The following CTNNA2 variants were observed in gnomAD, a reference collection of about 807,000 sequenced individuals.
CTNNA2 encodes the protein catenin alpha-2.
Under a neutral mutation model 101.0 loss-of-function variants are expected in CTNNA2, and 42 were observed. The ratio of observed to expected loss-of-function variants is 0.42; its 90% confidence interval spans 0.32 to 0.54. The LOEUF (loss-of-function observed/expected upper bound fraction) is 0.54, where lower values mean the gene tolerates loss of function less well. Ranked by LOEUF, CTNNA2 falls within the 20% of genes least tolerant of loss-of-function variation. CTNNA2 has a pLI of 0.14. For synonymous variants in CTNNA2, 450 were observed against 456.4 expected, an observed-to-expected ratio of 0.99 and a Z score of 0.18; for missense variants, 871 against 1,223.1, an observed-to-expected ratio of 0.71 and a Z score of 4.29.
intron 18 of CTNNA2, among the ~76,000 whole-genome samples, chr2:80,622,299 T>C (rs3770367): frequency 0.062 from 9,414 of 151,802 alleles, 802 homozygotes; most frequent in African/African-American, 0.19. Flanking sequence ...GAGAAATACA[T>C]AACAGGCAGA....
intron 7 of CTNNA2, among the ~76,000 whole-genome samples, chr2:80,079,555 C>A (rs1291629475): frequency 6.6e-6 from 1 of 152,172 alleles, no homozygotes; most frequent in Non-Finnish European, 1.5e-5. Context: ...TGGCTCACGC[C>A]CGCAGTCCCA....
Position 80,093,275 on chromosome 2 carries a change from ATAG to A in CTNNA2, c.1056+183480_1056+183482del, listed in dbSNP as rs200110322. Among the ~76,000 whole-genome samples, 169 of 151,968 alleles carry A rather than the reference ATAG, an allele frequency of 1.1e-3. 3 individuals carry two copies. In the East Asian group the frequency reaches 0.028, roughly 25 times the overall value. On this transcript the variant is annotated intron_variant, in intron 7 of 18. Transcript: ENST00000402739. ...AGGTGTTTGGTTTTTTGTCCTTGCG[ATAG>A]TTTGCTGAGAATGATGGTTTCCAGC...
At chr2:79,427,620 A>G (rs1678606637) in intron 4 of CTNNA2, among the ~76,000 whole-genome samples, 1 of 132,806 alleles carries the variant, frequency 7.5e-6, no homozygotes, top group Non-Finnish European at 1.7e-5. Flanking sequence ...TTTCTTTAAT[A>G]TTAAAAAAAA....
intron 2 of CTNNA2, among the ~76,000 whole-genome samples, chr2:79,294,198 A>G (rs927305677): frequency 3.4e-5 from 5 of 147,626 alleles, no homozygotes; most frequent in Non-Finnish European, 7.4e-5. Flanking sequence ...AGAGAGAGAG[A>G]GAGAGAAGAA....
intron 7 of CTNNA2, among the ~76,000 whole-genome samples, chr2:80,126,925 G>A (rs1702166478): frequency 6.6e-6 from 1 of 152,158 alleles, no homozygotes; most frequent in Admixed American, 6.5e-5. Context: ...GGGAGGAGGA[G>A]GTGTAGGAAT....
At chr2:80,433,792 A>G (rs888110172) in intron 9 of CTNNA2, among the ~76,000 whole-genome samples, 2 of 152,160 alleles carry the variant, frequency 1.3e-5, no homozygotes, top group African/African-American at 4.8e-5. Context: ...CGGTTATTCT[A>G]TATGCTTGTA....
intron 7 of CTNNA2, among the ~76,000 whole-genome samples, chr2:79,944,626 A>G (rs754362170): frequency 6.6e-5 from 10 of 152,196 alleles, no homozygotes; most frequent in Non-Finnish European, 8.8e-5. Context: ...TCTAAGCTTG[A>G]AAGTGATTGC....
chr2:79,743,175 TA>T (rs35975188), intron 2 of CTNNA2, among the ~76,000 whole-genome samples: 12 of 147,382 alleles, frequency 8.1e-5, no homozygotes, highest in East Asian at 2.2e-4. Flanking sequence ...GTGAAGCCGA[TA>T]AAAAAAAAAT....
At chr2:79,612,699 A>G (rs1678361768) in intron 1 of CTNNA2, among the ~76,000 whole-genome samples, 1 of 152,158 alleles carries the variant, frequency 6.6e-6, no homozygotes, top group Non-Finnish European at 1.5e-5. Flanking sequence ...AAGCATTTGT[A>G]TGACTTGATT....
intron 7 of CTNNA2, among the ~76,000 whole-genome samples, chr2:80,196,601 T>A (rs2149007345): frequency 6.6e-6 from 1 of 152,322 alleles, no homozygotes; most frequent in African/African-American, 2.4e-5. Flanking sequence ...TCTGCTTTGA[T>A]TTCCCTTTTT....
intron 2 of CTNNA2, among the ~76,000 whole-genome samples, chr2:79,728,542 G>A (rs1341795126): frequency 6.6e-6 from 1 of 152,114 alleles, no homozygotes; most frequent in African/African-American, 2.4e-5. Flanking sequence ...TCACTCTGGT[G>A]GTAGTTTCTT....
At chr2:80,067,918 G>A (rs906680450) in intron 7 of CTNNA2, among the ~76,000 whole-genome samples, 2 of 152,110 alleles carry the variant, frequency 1.3e-5, no homozygotes, top group African/African-American at 4.8e-5. Flanking sequence ...GTCAAGCCTC[G>A]AGGTGACTTC....
chr2:80,182,611 G>C (rs1705851964), intron 7 of CTNNA2, among the ~76,000 whole-genome samples: 1 of 152,100 alleles, frequency 6.6e-6, no homozygotes, highest in Non-Finnish European at 1.5e-5. Context: ...ATCACAATAG[G>C]CTCAATGAAG....
chr2:80,271,286 G>A (rs1673448590), intron 7 of CTNNA2, among the ~76,000 whole-genome samples: 1 of 152,186 alleles, frequency 6.6e-6, no homozygotes, highest in African/African-American at 2.4e-5. Flanking sequence ...GTATGTATGT[G>A]TATGTTTACA....
intron 4 of CTNNA2, among the ~76,000 whole-genome samples, chr2:79,492,558 T>G (rs2104565739): frequency 6.6e-6 from 1 of 152,226 alleles, no homozygotes; most frequent in Non-Finnish European, 1.5e-5. Context: ...ATTTATAATC[T>G]AAGTTTAAAA....
chr2:80,132,912 A>T (rs1222461584), intron 7 of CTNNA2, among the ~76,000 whole-genome samples: 1 of 152,188 alleles, frequency 6.6e-6, no homozygotes, highest in Non-Finnish European at 1.5e-5. Context: ...ACTCATATGG[A>T]TATAAAAATG....
chr2:79,964,007 A>C (rs1689845092), intron 7 of CTNNA2, among the ~76,000 whole-genome samples: 1 of 152,142 alleles, frequency 6.6e-6, no homozygotes, highest in Non-Finnish European at 1.5e-5. Context: ...GAATGGAGTA[A>C]AATTTAACAT....
intron 3 of CTNNA2, among the ~76,000 whole-genome samples, chr2:79,830,034 C>T (rs984079718): frequency 6.6e-6 from 1 of 152,036 alleles, no homozygotes; most frequent in Non-Finnish European, 1.5e-5. Context: ...AAAAGGAATT[C>T]AGGACAAGTT....
At chr2:79,493,290 G>GA (rs1183387181) in intron 4 of CTNNA2, among the ~76,000 whole-genome samples, 3 of 152,108 alleles carry the variant, frequency 2.0e-5, no homozygotes, top group Admixed American at 1.3e-4. Context: ...GATTGAAAAG[G>GA]AGACAGTGAA....
Sources: gnomAD v4.1 joint callset for allele counts (sites outside exome capture counted in the v4.1 genomes callset) on GRCh38, gnomAD v4.1.1 for gene constraint, MANE v1.5 for transcripts, NCBI Gene and HGNC (gene_info 2026-07-23, HGNC 2026-07-21) for gene names.